TPRG1: variants seen among roughly 807,000 people sequenced by gnomAD.
TPRG1 encodes the protein tumor protein p63 regulated 1.
In TPRG1, 29 loss-of-function variants were observed where a neutral mutation model predicts 29.3. The ratio of observed to expected loss-of-function variants is 0.99; its 90% CI spans 0.74 to 1.35. The LOEUF (loss-of-function observed/expected upper bound fraction) is 1.35, where lower values mean the gene tolerates loss of function less well. Ranked by LOEUF, TPRG1 falls within the 40% of genes most tolerant of loss-of-function variation. The pLI is 0.00. For missense variants in TPRG1, 327 were observed against 335.0 expected (o/e 0.98, Z 0.19); for synonymous variants, 130 against 116.8 (o/e 1.11, Z -0.73).
chr3:189,256,410 G>C (rs939676136), intron 4 of TPRG1, among the ~76,000 whole-genome samples: 4 of 152,192 alleles, frequency 2.6e-5, no homozygotes, highest in Non-Finnish European at 4.4e-5. Context: ...TTGCTGAGGA[G>C]TGTTGTTTTT....
intron 1 of TPRG1, among the ~76,000 whole-genome samples, chr3:189,115,504 G>A (rs1721059857): frequency 6.6e-6 from 1 of 152,172 alleles, no homozygotes; most frequent in Admixed American, 6.5e-5. Context: ...ATTTTCACTG[G>A]TCCAAAGAAG....
At chr3:189,198,608 G>A (rs1029950741) in intron 1 of TPRG1, among the ~76,000 whole-genome samples, 3 of 152,184 alleles carry the variant, frequency 2.0e-5, no homozygotes, top group African/African-American at 7.2e-5. Context: ...CACTGCCAAG[G>A]AACAGGCAGG....
At chr3:189,244,955 T>C (rs1171640648) in intron 4 of TPRG1, among the ~76,000 whole-genome samples, 1 of 152,166 alleles carries the variant, frequency 6.6e-6, no homozygotes, top group African/African-American at 2.4e-5. Flanking sequence ...AGTTTCACTC[T>C]TGTTGCCCAA....
At chr3:189,312,326 G>T (rs9811812) in intron 5 of TPRG1, among the ~76,000 whole-genome samples, 3,024 of 151,108 alleles carry the variant, frequency 0.02, 115 homozygotes, top group African/African-American at 0.071. Flanking sequence ...CTCAGCCTCC[G>T]GAGTAGCTGG....
intron 4 of TPRG1, among the ~76,000 whole-genome samples, chr3:189,042,264 T>C (rs710519): frequency 1 from 152,097 of 152,320 alleles, 75,940 homozygotes; most frequent in Middle Eastern, 1. Context: ...ATCAAGAATA[T>C]ATTTCTTTTC....
intron 5 of TPRG1, among the ~76,000 whole-genome samples, chr3:189,311,429 ACATTTCT>A (rs1722470563): frequency 6.6e-6 from 1 of 152,196 alleles, no homozygotes; most frequent in Non-Finnish European, 1.5e-5. Context: ...GGCATATATT[ACATTTCT>A]TGCATTAAAC....
intron 5 of TPRG1, among the ~76,000 whole-genome samples, chr3:189,312,081 GTTTCTTTC>G (rs1220000280): frequency 1.4e-4 from 17 of 119,948 alleles, no homozygotes; most frequent in African/African-American, 4.3e-4. Context: ...AACACTTTAT[GTTTCTTTC>G]TTTCTTTGTT....
At chr3:189,000,507 T>G (rs921317109) in intron 1 of TPRG1, among the ~76,000 whole-genome samples, 1 of 152,122 alleles carries the variant, frequency 6.6e-6, no homozygotes, top group African/African-American at 2.4e-5. Flanking sequence ...AAAACACTAC[T>G]GAGCTATTTC....
At chr3:189,135,610 G>A (rs1488388211) in intron 3 of TPRG1, among the ~76,000 whole-genome samples, 4 of 152,148 alleles carry the variant, frequency 2.6e-5, no homozygotes, top group Non-Finnish European at 5.9e-5. Context: ...TGGACTATAT[G>A]TGTAGCTGCT....
intron 4 of TPRG1, among the ~76,000 whole-genome samples, chr3:189,070,788 G>A (rs907918537): frequency 6.6e-6 from 1 of 151,664 alleles, no homozygotes; most frequent in Non-Finnish European, 1.5e-5. Context: ...AAAGTTAGTA[G>A]GAGCAAAGGC....
chr3:189,119,906 C>A (rs1721630149), intron 1 of TPRG1, among the ~76,000 whole-genome samples: 2 of 152,172 alleles, frequency 1.3e-5, no homozygotes, highest in Admixed American at 1.3e-4. Context: ...ACCGGAGCGC[C>A]TCTGGCTCAG....
chr3:189,012,566 AATG>A lies in TPRG1; in HGVS notation c.-660+7809_-660+7811del, dbSNP rs549394891. Reference sequence around the variant, plus strand: ...AATTTTTCAGAATAGTTTCAGTAGGAATGATACCAGCTCTTCTTTGTACATCTG... The same window carrying A: ...AATTTTTCAGAATAGTTTCAGTAGGAATACCAGCTCTTCTTTGTACATCTG... On this transcript the variant is annotated intron_variant, in intron 3 of 10. Coordinates refer to the TPRG1 transcript ENST00000433971. Among the ~76,000 whole-genome samples the A allele has an allele frequency of 5.3e-4, 81 of 152,164 alleles. No individual in the cohort carries two copies. The East Asian group carries it at 0.015, about 29-fold the overall frequency.
intron 4 of TPRG1, among the ~76,000 whole-genome samples, chr3:189,058,265 C>A (rs1370046183): frequency 6.6e-6 from 1 of 152,104 alleles, no homozygotes; most frequent in Non-Finnish European, 1.5e-5. Context: ...CAACATTGCA[C>A]TCTGGGATCT....
chr3:189,172,479 A>C (rs1285776280), intron 1 of TPRG1, among the ~76,000 whole-genome samples: 1 of 152,122 alleles, frequency 6.6e-6, no homozygotes, highest in Non-Finnish European at 1.5e-5. Context: ...ATTTGTTCCA[A>C]TTGGATCAGC....
chr3:189,151,616 C>T (rs1302312846), intron 5 of TPRG1, among the ~76,000 whole-genome samples: 1 of 152,154 alleles, frequency 6.6e-6, no homozygotes, highest in Non-Finnish European at 1.5e-5. Flanking sequence ...CGTGGTGGCT[C>T]ATGCCTGTAA....
intron 1 of TPRG1, among the ~76,000 whole-genome samples, chr3:189,124,214 T>C (rs1178884301): frequency 1.3e-5 from 2 of 152,048 alleles, no homozygotes; most frequent in African/African-American, 4.8e-5. Flanking sequence ...GAATAAGACA[T>C]GGTGCTTGTC....
intron 4 of TPRG1, among the ~76,000 whole-genome samples, chr3:189,029,920 TA>T (rs1713848304): frequency 6.6e-6 from 1 of 152,194 alleles, no homozygotes; most frequent in Admixed American, 6.5e-5. Context: ...GGCCGCACCA[TA>T]AGCAGATATC....
chr3:189,160,878 CG>C (rs1172475880), intron 5 of TPRG1, among the ~76,000 whole-genome samples: 1 of 152,076 alleles, frequency 6.6e-6, no homozygotes, highest in African/African-American at 2.4e-5. Context: ...GTTTGTTTGT[CG>C]TTGTTGTTGC....
intron 3 of TPRG1, among the ~76,000 whole-genome samples, chr3:189,220,261 C>T (rs963095780): frequency 7.2e-6 from 1 of 137,936 alleles, no homozygotes; most frequent in African/African-American, 2.9e-5. Flanking sequence ...GAAAGAAGCA[C>T]AACCACTTTT....
Sources: gnomAD v4.1 joint callset for allele counts (sites outside exome capture counted in the v4.1 genomes callset) on GRCh38, gnomAD v4.1.1 for gene constraint, MANE v1.5 for transcripts, NCBI Gene and HGNC (gene_info 2026-07-23, HGNC 2026-07-21) for gene names.